EPM2A: variants seen among roughly 807,000 people sequenced by gnomAD.
EPM2A encodes EPM2A glucan phosphatase, laforin.
EPM2A carries 21 observed loss-of-function variants against 26.5 expected under a neutral mutation model. The observed-to-expected ratio is 0.79, with a 90% confidence interval of 0.56 to 1.14. The LOEUF is 1.14. Among genes scored for constraint, EPM2A ranks in the 50% most tolerant of loss-of-function variants. The probability of loss-of-function intolerance (pLI) is 0.00; values close to 1 mark genes in which losing one functional copy is unlikely to be tolerated. For synonymous variants in EPM2A, 217 were observed against 177.6 expected (o/e 1.22, Z -1.76); for missense variants, 458 against 440.8 (o/e 1.04, Z -0.35).
chr6:145,543,747 A>G (rs1780546215), intron 2 of EPM2A, among the ~76,000 whole-genome samples: 1 of 152,200 alleles, frequency 6.6e-6, no homozygotes, highest in Non-Finnish European at 1.5e-5. Flanking sequence ...TAGATTTTCC[A>G]GACCACTCAT....
rs182768430 is a variant in EPM2A, at chr6:145,434,861, G to T, written c.556-50764C>A. Among the ~76,000 whole-genome samples, 124 of 152,228 alleles carry T rather than the reference G, an allele frequency of 8.1e-4. No individual in the cohort carries two copies. In the East Asian group the frequency reaches 0.018, roughly 22 times the overall value. Reference sequence around the variant, plus strand: ...TGTTGAAATGTAATCCCTAATGTTGGAGGTGGGGCCTGGTGGGAGGTGATT... The same window carrying T: ...TGTTGAAATGTAATCCCTAATGTTGTAGGTGGGGCCTGGTGGGAGGTGATT... On this transcript the variant is annotated intron_variant, in intron 4 of 4. Coordinates refer to the EPM2A transcript ENST00000638717.
chr6:145,585,041 G>C lies in EPM2A; in HGVS notation c.340+50204C>G, dbSNP rs181836874. 5.2e-3 allele frequency among the ~76,000 whole-genome samples: 799 copies of C among 152,192 alleles called. 4 individuals carry two copies. Among genetic ancestry groups the C allele is most frequent in the African/African-American group, 0.018 (763 of 41,512 alleles). On this transcript the variant is annotated intron_variant, in intron 2 of 3. Transcript: ENST00000450221. ...AGTACACTAAATATATTGCTCTACT[G>C]TCTTCTTAATTATATAGCTGATGAT...
chr6:145,452,533 G>T (rs570327309), intron 4 of EPM2A, among the ~76,000 whole-genome samples: 1 of 145,740 alleles, frequency 6.9e-6, no homozygotes, highest in Non-Finnish European at 1.5e-5. Flanking sequence ...ATAGCCGGGC[G>T]TTGTGGCGGG....
chr6:145,417,046 C>A (rs1033823382), intron 4 of EPM2A, among the ~76,000 whole-genome samples: 3 of 152,186 alleles, frequency 2.0e-5, no homozygotes, highest in Admixed American at 1.3e-4. Flanking sequence ...CATAGCTAAG[C>A]AGACCCAGCC....
At chr6:145,387,138 G>A (rs1778273561) in intron 4 of EPM2A, among the ~76,000 whole-genome samples, 1 of 152,070 alleles carries the variant, frequency 6.6e-6, no homozygotes, top group Non-Finnish European at 1.5e-5. Context: ...TTGTGATTGG[G>A]AACTATGAGA....
chr6:145,479,995 A>G (rs993362839), intron 4 of EPM2A, among the ~76,000 whole-genome samples: 8 of 151,948 alleles, frequency 5.3e-5, no homozygotes, highest in Non-Finnish European at 8.8e-5. Context: ...TTGATTTTCA[A>G]TTTCGTAATG....
intron 4 of EPM2A, among the ~76,000 whole-genome samples, chr6:145,420,345 C>A (rs567063703): frequency 1.3e-5 from 2 of 152,254 alleles, no homozygotes; most frequent in African/African-American, 4.8e-5. Context: ...AAATTGTTCA[C>A]CATATGGTAC....
chr6:145,593,731 A>T (rs1364194505), intron 2 of EPM2A, among the ~76,000 whole-genome samples: 1 of 152,034 alleles, frequency 6.6e-6, no homozygotes, highest in Non-Finnish European at 1.5e-5. Flanking sequence ...TTTACTCTAA[A>T]ACTTATCAAA....
In EPM2A at chr6:145,481,459, G is replaced by A. The variant is rs371760224; in HGVS notation, c.555+21063C>T. Among the ~76,000 whole-genome samples the A allele has an allele frequency of 3.4e-4, 52 of 152,128 alleles. 1 individual carries two copies. The highest frequency in any genetic ancestry group is 3.1e-3 in the South Asian group (15 of 4,820). The stretch of plus-strand genomic sequence containing the variant: ...TTGTTGCTTCAGGGAAAGCATTACC[G>A]GTAGCTGCCCTTGATGAGCTTATTA... On this transcript the variant is annotated intron_variant, in intron 4 of 4. Coordinates refer to the EPM2A transcript ENST00000638717.
intron 1 of EPM2A, among the ~76,000 whole-genome samples, chr6:145,725,829 C>T (rs1420701498): frequency 6.6e-6 from 1 of 151,942 alleles, no homozygotes; most frequent in East Asian, 1.9e-4. Flanking sequence ...CGAAATGAGA[C>T]TATCATAATG....
intron 4 of EPM2A, among the ~76,000 whole-genome samples, chr6:145,464,437 G>T (rs992747985): frequency 6.6e-6 from 1 of 152,020 alleles, no homozygotes; most frequent in Non-Finnish European, 1.5e-5. Context: ...TTCAGCACTT[G>T]TTTTACATCA....
intron 2 of EPM2A, among the ~76,000 whole-genome samples, chr6:145,568,277 T>C (rs139056259): frequency 6.6e-6 from 1 of 152,088 alleles, no homozygotes; most frequent in East Asian, 1.9e-4. Flanking sequence ...GATTTATTCA[T>C]GTCCTGTAAA....
At chr6:145,596,914 G>C (rs1241029300) in intron 2 of EPM2A, among the ~76,000 whole-genome samples, 1 of 107,854 alleles carries the variant, frequency 9.3e-6, no homozygotes, top group Non-Finnish European at 1.7e-5. Context: ...TTGAGACGGA[G>C]TCTCGCTCTG....
intron 1 of EPM2A, among the ~76,000 whole-genome samples, chr6:145,694,516 G>A (rs1781464136): frequency 6.6e-6 from 1 of 151,948 alleles, no homozygotes; most frequent in Admixed American, 6.6e-5. Context: ...GGTAGTCTTA[G>A]ATACAGCTAA....
chr6:145,588,666 C>G (rs1218663748), intron 2 of EPM2A, among the ~76,000 whole-genome samples: 1 of 152,148 alleles, frequency 6.6e-6, no homozygotes, highest in Non-Finnish European at 1.5e-5. Context: ...ATTATTCATT[C>G]AAACTATTTT....
At chr6:145,668,429 T>G (rs1161569847) in intron 2 of EPM2A, among the ~76,000 whole-genome samples, 1 of 152,236 alleles carries the variant, frequency 6.6e-6, no homozygotes, top group African/African-American at 2.4e-5. Context: ...GTCCTTTTTA[T>G]AATTAATTCA....
intron 4 of EPM2A, among the ~76,000 whole-genome samples, chr6:145,431,881 C>T (rs6570683): frequency 0.051 from 7,719 of 152,270 alleles, 648 homozygotes; most frequent in African/African-American, 0.17. Flanking sequence ...CTTTCCAACG[C>T]TGTCTTTGCC....
intron 4 of EPM2A, among the ~76,000 whole-genome samples, chr6:145,419,899 C>T (rs1343309593): frequency 6.6e-6 from 1 of 151,846 alleles, no homozygotes; most frequent in East Asian, 1.9e-4. Flanking sequence ...TAAAATGAAA[C>T]AAACATTGAA....
chr6:145,502,616 G>A (rs768183555), intron 2 of EPM2A: 1 of 470,410 alleles, frequency 2.1e-6, no homozygotes, highest in Non-Finnish European at 4.4e-6. Context: ...ATTAAAACCT[G>A]GCACAGTGCC....
Sources: gnomAD v4.1 joint callset for allele counts (sites outside exome capture counted in the v4.1 genomes callset) on GRCh38, gnomAD v4.1.1 for gene constraint, MANE v1.5 for transcripts, NCBI Gene and HGNC (gene_info 2026-07-23, HGNC 2026-07-21) for gene names.